CHD5: variants seen among roughly 807,000 people sequenced by gnomAD.
The protein encoded by CHD5 is ATP-dependent chromatin remodeler CHD5.
A neutral mutation model predicts 230.3 loss-of-function variants in CHD5; 69 were observed. That is an observed-to-expected ratio of 0.30 (90% CI 0.25 to 0.37). CHD5 has a LOEUF of 0.37. Among genes scored for constraint, CHD5 ranks in the 10% least tolerant of loss-of-function variants. CHD5 has a pLI of 1.00. For synonymous variants in CHD5, 1,064 were observed against 1,065.9 expected (o/e 1.00, Z 0.03); for missense variants, 1,827 against 2,622.8 (o/e 0.70, Z 6.63).
chr1:6,164,670 G>A (rs966605306), intron 2 of CHD5, among the ~76,000 whole-genome samples: 1 of 152,166 alleles, frequency 6.6e-6, no homozygotes, highest in African/African-American at 2.4e-5. Flanking sequence ...CCAGGCAGGT[G>A]GGCAAAGGGG....
chr1:6,125,605 T>C lies in CHD5; in HGVS notation c.4179A>G (p.Arg1393=), dbSNP rs1397194146. Residue 1393 remains arginine, a synonymous_variant, in exon 28 of 42, where the codon CGA becomes CGG. Coordinates refer to ENST00000262450, the MANE Select transcript of CHD5 (RefSeq NM_015557.3). This position sits in a 1 kb window ranked among gnomAD's most constrained non-coding sequence, Gnocchi z 6.7. ...TCTTCAGCTGCCTCCGGGATTGTCG[T>C]CGTCCACCTGGGGAGCAGCCCGCCA... is the stretch of plus-strand genomic sequence containing the variant. ...FEERPEGQSG[R]RQSRRQLKSD... is the part of the protein sequence containing the mutation. 18 of 1,609,788 alleles carry C rather than the reference T, an allele frequency of 1.1e-5. No homozygotes were observed. The highest frequency in any genetic ancestry group is 1.4e-5 in the Non-Finnish European group (17 of 1,177,972).
Position 6,124,005 on chromosome 1 carries a change from T to C in CHD5, c.4642A>G (p.Asn1548Asp). 6.2e-7 allele frequency: 1 copy of C among 1,611,388 alleles called. No homozygotes were observed. The highest frequency in any genetic ancestry group is 8.5e-7 in the Non-Finnish European group (1 of 1,179,324). The change falls in exon 31 of 42, where the codon AAC becomes GAC. Residue 1548 changes from asparagine (N) to aspartate (D), a missense_variant. Transcript: ENST00000262450. ...GCAGGGCTGGCGGGCACTGGTGTGT[T>C]GGGGTCCGAGGAGATCACCTCGCCC... ...KSGEVISSDP[N>D]TPVPASPAHL...
chr1:6,123,675 G>A (rs1310969749), intron 31 of CHD5, among the ~76,000 whole-genome samples: 2 of 133,934 alleles, frequency 1.5e-5, no homozygotes, highest in South Asian at 2.6e-4. Context: ...TGATCCTGCC[G>A]CCTCAGCCTC....
At chr1:6,111,912 G>A (rs761454759) in intron 35 of CHD5, 29 bp from the exon 36 acceptor site, 3 of 1,593,784 alleles carry the variant, frequency 1.9e-6, no homozygotes, top group Non-Finnish European at 2.6e-6. Context: ...TGAGCAGGGT[G>A]AGAAGTGCCC....
intron 1 of CHD5, 48 bp from the exon 2 acceptor site, chr1:6,168,325 G>C (rs761444049): frequency 1.9e-6 from 3 of 1,542,226 alleles, no homozygotes; most frequent in Non-Finnish European, 2.6e-6. Flanking sequence ...CTTCCTCCAG[G>C]AGAGCCCTGG....
chr1:6,149,241 C>T lies in CHD5; in HGVS notation c.1161+5G>A. The T allele has an allele frequency of 6.3e-7, 1 of 1,599,698 alleles. No homozygotes were observed. The highest frequency in any genetic ancestry group is 8.5e-7 in the Non-Finnish European group (1 of 1,171,708). ...CCCCCAGCCCGGGGCTCTGCCAAGG[C>T]TTACACAGTGGGGGCAGCTCCACTT... On this transcript the variant is annotated splice_donor_5th_base_variant and intron_variant, in intron 8 of 41. Transcript: ENST00000262450.
intron 31 of CHD5, 53 bp downstream of exon 31, chr1:6,123,895 C>G (rs962041470): frequency 7.5e-7 from 1 of 1,340,442 alleles, no homozygotes; most frequent in African/African-American, 1.5e-5. Flanking sequence ...TTTCTGTGAC[C>G]TTGCCACTTT....
intron 1 of CHD5, among the ~76,000 whole-genome samples, chr1:6,170,937 C>T (rs1354144395): frequency 2.6e-5 from 4 of 152,216 alleles, no homozygotes; most frequent in African/African-American, 9.7e-5. Flanking sequence ...CCGCCTCCCC[C>T]GCCACCGCAG....
In CHD5 at chr1:6,122,856, G is replaced by C. The variant is rs1253252436; in HGVS notation, c.4699+1092C>G. ...AGGCCGAGGAGGGTGGATCACCTGA[G>C]GTCAGGAATTCAAGACCAGCCTGGC... On this transcript the variant is annotated intron_variant, in intron 31 of 41. Transcript: ENST00000262450. Among the ~76,000 whole-genome samples, 5 of 152,160 alleles carry C rather than the reference G, an allele frequency of 3.3e-5. No homozygotes were observed. In the South Asian group the frequency reaches 8.3e-4, roughly 25 times the overall value.
At chr1:6,120,828 G>A (rs186387155) in intron 33 of CHD5, among the ~76,000 whole-genome samples, 7 of 152,224 alleles carry the variant, frequency 4.6e-5, no homozygotes, top group South Asian at 2.1e-4. Context: ...ACTTGAACCC[G>A]GGAGGCGGAT....
At position 6,126,708 on chromosome 1, in the gene CHD5, G is replaced by A. The variant is rs767654279; in HGVS notation, c.3942C>T (p.Asn1314=). The change falls in exon 26 of 42, where the codon AAC becomes AAT. Residue 1314 remains asparagine, a synonymous_variant. Transcript: ENST00000262450. This position sits in a 1 kb window ranked among gnomAD's most constrained non-coding sequence, Gnocchi z 5.7. The part of the protein sequence containing the change: ...VEREIIKQEE[N]VDPDYWEKLL... ...GCTTCTCCCAGTAGTCGGGGTCCAC[G>A]TTCTCCTCCTGCTTGATGATTTCCC... The A allele has an allele frequency of 1.2e-5, 20 of 1,613,866 alleles. No homozygotes were observed. Among genetic ancestry groups the A allele is most frequent in the African/African-American group, 1.3e-5 (1 of 74,880 alleles).
rs1571158612 is a variant in CHD5 at position 6,146,191 on chromosome 1, T to G, written c.1802+21A>C. On this transcript the variant is annotated intron_variant, in intron 11 of 41. Transcript: ENST00000262450. The surrounding 1 kb of genome is among the most constrained non-coding windows in gnomAD (Gnocchi z 5.1). Reference sequence around the variant, plus strand: ...GGCCCGGCCCCAGCGATGGGCAGGGTGGCCGCCTGCAGGCACACACCTATG... The same window carrying G: ...GGCCCGGCCCCAGCGATGGGCAGGGGGGCCGCCTGCAGGCACACACCTATG... 6.2e-7 allele frequency: 1 copy of G among 1,610,922 alleles called. No homozygotes were observed. Among genetic ancestry groups the G allele is most frequent in the Non-Finnish European group, 8.5e-7 (1 of 1,177,864 alleles).
At chr1:6,135,535 C>T (rs770478839) in intron 17 of CHD5, 132 bp from the exon 18 acceptor site, 9 of 742,622 alleles carry the variant, frequency 1.2e-5, no homozygotes, top group African/African-American at 3.5e-5. Flanking sequence ...TGGATATCGT[C>T]TCAATTTCTG....
In CHD5 at chr1:6,112,189, C is replaced by T. The variant is rs765049574; in HGVS notation, c.5091G>A (p.Lys1697=). Residue 1697 remains lysine, a synonymous_variant, in exon 35 of 42, where the codon AAG becomes AAA. Transcript: ENST00000262450. ...EEDDEGKKED[K]KGKFKFMFNI... is the part of the protein sequence containing the mutation. Reference sequence around the variant, plus strand: ...TGAACATGAACTTGAATTTCCCCTTCTTGTCCTCCTTCTTCCCCTCGTCAT... The same window carrying T: ...TGAACATGAACTTGAATTTCCCCTTTTTGTCCTCCTTCTTCCCCTCGTCAT... 9 of 1,614,066 alleles carry T rather than the reference C, an allele frequency of 5.6e-6. No individual in the cohort carries two copies. The highest frequency in any genetic ancestry group is 1.6e-4 in the Middle Eastern group (1 of 6,084).
intron 3 of CHD5, among the ~76,000 whole-genome samples, chr1:6,156,307 C>G (rs573122198): frequency 4.6e-5 from 7 of 152,120 alleles, no homozygotes; most frequent in African/African-American, 1.7e-4. Flanking sequence ...GAGGCCAAGG[C>G]AGACAGATCA....
rs1162329591 is a variant in CHD5 at position 6,112,214 on chromosome 1, T to A, written c.5066A>T (p.Asp1689Val). The part of the protein sequence containing the change: ...ETQQNGDKEE[D>V]DEGKKEDKKG... ...CTTGTCCTCCTTCTTCCCCTCGTCA[T>A]CTTCCTCTTTGTCACCATTTTGCTG... The change falls in exon 35 of 42, where the codon GAT becomes GTT. Residue 1689 changes from aspartate (D) to valine (V), a missense_variant. This residue lies in a region of CHD5 where 272 missense variants were observed against 263.2 expected (regional missense o/e 1.03). Transcript: ENST00000262450. 6.2e-7 allele frequency: 1 copy of A among 1,614,030 alleles called. No individual in the cohort carries two copies. The highest frequency in any genetic ancestry group is 1.3e-5 in the African/African-American group (1 of 74,900).
intron 2 of CHD5, among the ~76,000 whole-genome samples, chr1:6,163,223 A>T (rs1667204473): frequency 6.6e-6 from 1 of 152,210 alleles, no homozygotes; most frequent in South Asian, 2.1e-4. Flanking sequence ...ACTGGGGCTC[A>T]GGCAAGCCAG....
intron 3 of CHD5, among the ~76,000 whole-genome samples, chr1:6,157,466 C>T (rs1025493619): frequency 2.6e-5 from 4 of 152,226 alleles, no homozygotes; most frequent in African/African-American, 4.8e-5. Flanking sequence ...CCCACAACCC[C>T]GAAGCCCCTT....
intron 11 of CHD5, 22 bp from the exon 12 acceptor site, chr1:6,144,177 T>C (rs1385907935): frequency 6.2e-7 from 1 of 1,613,988 alleles, no homozygotes; most frequent in African/African-American, 1.3e-5. Flanking sequence ...TGAACAGATG[T>C]GGGTCGCTCA....
Sources: gnomAD v4.1 joint callset for allele counts (sites outside exome capture counted in the v4.1 genomes callset) on GRCh38, gnomAD v4.1.1 for gene constraint, gnomAD v4.1.1 regional missense constraint, Gnocchi (gnomAD v3.1) non-coding constraint, MANE v1.5 for transcripts, NCBI Gene and HGNC (gene_info 2026-07-23, HGNC 2026-07-21) for gene names.